Variants in DYM observed in about 807,000 individuals in gnomAD.
DYM encodes dymeclin.
DYM carries 78 observed loss-of-function variants against 93.1 expected under a neutral mutation model. The observed-to-expected ratio is 0.84, with a 90% CI of 0.70 to 1.01. The LOEUF (loss-of-function observed/expected upper bound fraction) is 1.01. Ranked by LOEUF, DYM falls within the 50% of genes least tolerant of loss-of-function variation. The probability of loss-of-function intolerance (pLI) is 0.00; values close to 1 mark genes in which losing one functional copy is unlikely to be tolerated. For missense variants in DYM, 789 were observed against 845.0 expected (o/e 0.93, Z 0.82); for synonymous variants, 321 against 319.7 (o/e 1.00, Z -0.04).
At chr18:49,278,947 GT>G (rs2094908937) in intron 10 of DYM, among the ~76,000 whole-genome samples, 1 of 152,130 alleles carries the variant, frequency 6.6e-6, no homozygotes, top group Non-Finnish European at 1.5e-5. Context: ...GCTTTTCTTG[GT>G]AAACATTTAA....
In DYM at chr18:49,294,704, T is replaced by G. The variant is rs141272227; in HGVS notation, c.764-8088A>C. ...ATAGAGGTAAGTTACTGCTTTTTCA[T>G]ATTAAACATGCTACTTGCTAAACTA... On this transcript the variant is annotated intron_variant, in intron 8 of 17. Transcript: ENST00000675505. Among the ~76,000 whole-genome samples the G allele has an allele frequency of 3.5e-3, 534 of 152,304 alleles. 1 individual carries two copies. Among genetic ancestry groups the G allele is most frequent in the African/African-American group, 0.012 (517 of 41,562 alleles).
intron 8 of DYM, among the ~76,000 whole-genome samples, chr18:49,327,882 T>C (rs977909029): frequency 2.6e-5 from 4 of 152,170 alleles, no homozygotes; most frequent in Admixed American, 2.6e-4. Flanking sequence ...AGATGTTGGA[T>C]GGCGCTCTGC....
intron 16 of DYM, among the ~76,000 whole-genome samples, chr18:49,106,222 G>A (rs961442000): frequency 6.6e-6 from 1 of 152,142 alleles, no homozygotes; most frequent in Non-Finnish European, 1.5e-5. Context: ...CAGAGACTAG[G>A]ATTGCAACCC....
chr18:49,107,548 T>A (rs953359540), intron 16 of DYM, among the ~76,000 whole-genome samples: 1 of 152,216 alleles, frequency 6.6e-6, no homozygotes, highest in African/African-American at 2.4e-5. Flanking sequence ...TATCTACCTT[T>A]GGTCTTTGAT....
intron 14 of DYM, among the ~76,000 whole-genome samples, chr18:49,189,656 T>C (rs888074549): frequency 6.6e-6 from 1 of 152,206 alleles, no homozygotes; most frequent in African/African-American, 2.4e-5. Context: ...GTTTATACCA[T>C]GATTCCAGCT....
intron 13 of DYM, among the ~76,000 whole-genome samples, chr18:49,237,896 C>T (rs138976233): frequency 7.3e-5 from 11 of 149,684 alleles, no homozygotes; most frequent in African/African-American, 2.7e-4. Flanking sequence ...TCCATCAGTA[C>T]CTTACTCTTT....
intron 1 of DYM, among the ~76,000 whole-genome samples, chr18:49,454,744 CA>C (rs57507210): frequency 1.8e-3 from 250 of 140,606 alleles, no homozygotes; most frequent in Middle Eastern, 3.5e-3. Context: ...CTAAAAATAC[CA>C]AAAAAAAAAA....
intron 1 of DYM, 75 bp from the exon 2 acceptor site, chr18:49,430,522 A>T (rs186462687): frequency 6.4e-6 from 7 of 1,090,128 alleles, no homozygotes; most frequent in Non-Finnish European, 7.9e-6. Context: ...AAAAAACTAT[A>T]AACTTACTAA....
At chr18:49,356,714 C>T (rs2065601758) in intron 6 of DYM, among the ~76,000 whole-genome samples, 1 of 152,160 alleles carries the variant, frequency 6.6e-6, no homozygotes. Flanking sequence ...GGTTCTTGAA[C>T]CATCTACTCA....
chr18:49,150,503 T>C (rs575120258), intron 15 of DYM, among the ~76,000 whole-genome samples: 61 of 152,314 alleles, frequency 4.0e-4, no homozygotes, highest in African/African-American at 1.4e-3. Flanking sequence ...AAGGTGGCTG[T>C]CTGGAAGCCA....
chr18:49,230,933 T>C lies in DYM; in HGVS notation c.1461-21218A>G, dbSNP rs1041979409. ...GGCAAAAAAGAGTATTTCTACACGA[T>C]GAATATACTTTAAAATGCACATAGA... is the stretch of plus-strand genomic sequence containing the variant. On this transcript the variant is annotated intron_variant, in intron 13 of 17. Transcript: ENST00000675505. Among the ~76,000 whole-genome samples the C allele has an allele frequency of 3.9e-5, 6 of 152,310 alleles. No individual in the cohort carries two copies. The East Asian group carries it at 9.6e-4, about 24-fold the overall frequency.
At position 49,218,401 on chromosome 18, in the gene DYM, G is replaced by A. The variant is rs994566805; in HGVS notation, c.1461-8686C>T. 9.2e-5 allele frequency among the ~76,000 whole-genome samples: 14 copies of A among 152,192 alleles called. No individual in the cohort carries two copies. In the East Asian group the frequency reaches 9.7e-4, roughly 11 times the overall value. On this transcript the variant is annotated intron_variant, in intron 13 of 17. Coordinates refer to ENST00000675505, the MANE Select transcript of DYM (RefSeq NM_001353214.3). ...AATTGAACTCAGCTCTGCACCAAGC[G>A]GACCTAATAGACATCTACAGAACTC...
At chr18:49,237,650 C>T (rs2093911816) in intron 13 of DYM, among the ~76,000 whole-genome samples, 5 of 152,066 alleles carry the variant, frequency 3.3e-5, no homozygotes, top group Admixed American at 2.0e-4. Flanking sequence ...AAATAAAGAT[C>T]ACTGCCCCTT....
rs1422095407 is a variant in DYM at position 49,264,508 on chromosome 18, C to A, written c.1252-6015G>T. Among the ~76,000 whole-genome samples the A allele has an allele frequency of 2.0e-5, 3 of 152,112 alleles. No homozygotes were observed. The East Asian group carries it at 5.8e-4, about 29-fold the overall frequency. On this transcript the variant is annotated intron_variant, in intron 11 of 17. Transcript: ENST00000675505. ...CATAGTAATAAAAACATCACCAACT[C>A]TTGATATATCAGATTTTGTCACTTT...
Position 49,331,998 on chromosome 18 carries a change from T to C in DYM, c.629A>G (p.Tyr210Cys). The C allele has an allele frequency of 6.2e-7, 1 of 1,613,624 alleles. No individual in the cohort carries two copies. Among genetic ancestry groups the C allele is most frequent in the Non-Finnish European group, 8.5e-7 (1 of 1,179,766 alleles). ...KYLMRGPCLP[Y>C]TSKLVKTLLY... is the part of the protein sequence containing the mutation. ...TAAGGTCTTCACAAGTTTGCTGGTG[T>C]ATGGAAGACTATACAAAAAGGAAAA... Residue 210 changes from tyrosine (Y) to cysteine (C), a missense_variant, in exon 8 of 18, where the codon TAC becomes TGC. Transcript: ENST00000675505.
intron 15 of DYM, among the ~76,000 whole-genome samples, chr18:49,129,119 T>TAA (rs79190958): frequency 7.5e-6 from 1 of 132,996 alleles, no homozygotes; most frequent in Non-Finnish European, 1.6e-5. Flanking sequence ...AAGCTCAAGT[T>TAA]AAAAAAAAAA....
In DYM at chr18:49,328,003, GA is replaced by G. The variant is rs529027220; in HGVS notation, c.763+3860del. Among the ~76,000 whole-genome samples, 862 of 152,282 alleles carry G rather than the reference GA, an allele frequency of 5.7e-3. 4 individuals are homozygous for G. The highest frequency in any genetic ancestry group is 9.2e-3 in the Non-Finnish European group (626 of 68,032). ...CAAAGGCTCAGGGGTCTGATGAACTGAGCTTAAATTAACGAGCCAACATCAT... is the reference window on the plus strand; with the variant it reads ...CAAAGGCTCAGGGGTCTGATGAACTGGCTTAAATTAACGAGCCAACATCAT... On this transcript the variant is annotated intron_variant, in intron 8 of 17. Coordinates refer to ENST00000675505, the MANE Select transcript of DYM (RefSeq NM_001353214.3).
chr18:49,104,728 G>A (rs1400121555), intron 16 of DYM, among the ~76,000 whole-genome samples: 1 of 152,162 alleles, frequency 6.6e-6, no homozygotes, highest in Non-Finnish European at 1.5e-5. Context: ...GATTTGGTAT[G>A]TTGAACCAGC....
intron 15 of DYM, among the ~76,000 whole-genome samples, chr18:49,132,380 T>C (rs2083451605): frequency 6.6e-6 from 1 of 152,112 alleles, no homozygotes; most frequent in Non-Finnish European, 1.5e-5. Context: ...AAAAATTGTG[T>C]AGGAAACTAT....
Sources: gnomAD v4.1 joint callset for allele counts (sites outside exome capture counted in the v4.1 genomes callset) on GRCh38, gnomAD v4.1.1 for gene constraint, MANE v1.5 for transcripts, NCBI Gene and HGNC (gene_info 2026-07-23, HGNC 2026-07-21) for gene names.